The following BTBD7 variants were observed in gnomAD, a reference collection of about 807,000 sequenced individuals.
BTBD7 encodes BTB domain containing 7.
In BTBD7, 38 loss-of-function variants were observed where a neutral mutation model predicts 99.9. The observed-to-expected ratio is 0.38, with a 90% CI of 0.29 to 0.50. The LOEUF is 0.50. Among genes scored for constraint, BTBD7 ranks in the 20% least tolerant of loss-of-function variants. BTBD7 has a pLI of 0.93. For missense variants in BTBD7, 1,170 were observed against 1,394.6 expected, an observed-to-expected ratio of 0.84 and a Z score of 2.57; for synonymous variants, 520 against 511.4, an observed-to-expected ratio of 1.02 and a Z score of -0.23.
In BTBD7 at chr14:93,321,856, C is replaced by CTA. The variant is rs1486849061; in HGVS notation, c.-107+10963_-107+10964insTA. Reference sequence around the variant, plus strand: ...CATTTGGGATGATATCCAAGACTGACAATAGAAAGTGTGAGCTTTCCTCTT... The same window carrying CTA: ...CATTTGGGATGATATCCAAGACTGACTAAATAGAAAGTGTGAGCTTTCCTCTT... On this transcript the variant is annotated intron_variant, in intron 1 of 10. Transcript: ENST00000334746. 2.0e-4 allele frequency among the ~76,000 whole-genome samples: 30 copies of CTA among 151,920 alleles called. No individual in the cohort carries two copies. In the East Asian group the frequency reaches 5.6e-3, roughly 28 times the overall value.
chr14:93,321,554 T>C (rs892397901), intron 1 of BTBD7, among the ~76,000 whole-genome samples: 2 of 152,144 alleles, frequency 1.3e-5, no homozygotes, highest in Non-Finnish European at 2.9e-5. Flanking sequence ...GATCGCGCCA[T>C]GGCACTCCAG....
intron 3 of BTBD7, among the ~76,000 whole-genome samples, chr14:93,292,354 C>T (rs2052868443): frequency 6.6e-6 from 1 of 151,606 alleles, no homozygotes; most frequent in African/African-American, 2.4e-5. Context: ...CATTTTCTGA[C>T]AAATTTGGTT....
At position 93,332,995 on chromosome 14, in the gene BTBD7, C is replaced by A; in HGVS notation, c.-282G>T. ...CAGTGGCTCAGGCTCCGGGACTGCT[C>A]CAGGTTCCCCTCGCCGCCATTTTGA... On this transcript the variant is annotated 5_prime_UTR_variant, in exon 1 of 11. Transcript: ENST00000334746. 3.6e-6 allele frequency: 2 copies of A among 552,042 alleles called. No homozygotes were observed. Among genetic ancestry groups the A allele is most frequent in the Non-Finnish European group, 6.0e-6 (2 of 331,586 alleles). 34.2% of individuals were successfully genotyped at this position (552,042 alleles called of 1,614,324 possible). A position where few individuals can be genotyped will look rare whatever the true frequency, so the allele number is the denominator to read the frequency against.
At position 93,276,739 on chromosome 14, in the gene BTBD7, A is replaced by C. The variant is rs141771404; in HGVS notation, c.1163-12746T>G. ...ATATTCTTTATTCTTACAGCTTCTG[A>C]CAAGTTGTGTGAGAGACAAAAGCAA... On this transcript the variant is annotated intron_variant, in intron 3 of 10. Transcript: ENST00000334746. Among the ~76,000 whole-genome samples, 408 of 152,266 alleles carry C rather than the reference A, an allele frequency of 2.7e-3. 1 individual carries two copies. The highest frequency in any genetic ancestry group is 9.3e-3 in the African/African-American group (386 of 41,564).
intron 1 of BTBD7, among the ~76,000 whole-genome samples, chr14:93,302,815 G>A (rs1436307562): frequency 4.6e-5 from 7 of 151,968 alleles, no homozygotes; most frequent in Non-Finnish European, 8.8e-5. Flanking sequence ...ACTGTACTCC[G>A]CCCTGGGTGA....
chr14:93,283,037 T>A (rs563869086), intron 3 of BTBD7, among the ~76,000 whole-genome samples: 1 of 152,360 alleles, frequency 6.6e-6, no homozygotes, highest in East Asian at 1.9e-4. Context: ...AGGTTTTGCT[T>A]GCTGAGAAAG....
intron 1 of BTBD7, among the ~76,000 whole-genome samples, chr14:93,324,771 G>T (rs922450756): frequency 7.2e-5 from 11 of 152,220 alleles, no homozygotes; most frequent in Non-Finnish European, 1.3e-4. Context: ...GAAATGCCAT[G>T]ATTTGACTGG....
chr14:93,301,556 G>A (rs2053005355), intron 1 of BTBD7, among the ~76,000 whole-genome samples: 1 of 151,742 alleles, frequency 6.6e-6, no homozygotes, highest in Non-Finnish European at 1.5e-5. Context: ...CAGGTGTAGT[G>A]GTACGTGCCT....
chr14:93,300,704 T>TTGTGTGTG lies in BTBD7; in HGVS notation c.-106-4555_-106-4548dup, dbSNP rs57228905. Among the ~76,000 whole-genome samples, 149 of 87,086 alleles carry TTGTGTGTG rather than the reference T, an allele frequency of 1.7e-3. 2 individuals carry two copies. Among genetic ancestry groups the TTGTGTGTG allele is most frequent in the East Asian group, 3.7e-3 (10 of 2,670 alleles). The allele number at this position is 87,086 out of a possible 152,430, so 57.1% of individuals were successfully genotyped here. ...GCGTGTGCCATCATGCCCAGCTAATTTGTGTGTGTGTGTGTGTGTGTGTGT... is the reference window on the plus strand; with the variant it reads ...GCGTGTGCCATCATGCCCAGCTAATTTGTGTGTGTGTGTGTGTGTGTGTGTGTGTGTGT... On this transcript the variant is annotated intron_variant, in intron 1 of 10. Coordinates refer to ENST00000334746, the MANE Select transcript of BTBD7 (RefSeq NM_001002860.4).
intron 1 of BTBD7, among the ~76,000 whole-genome samples, chr14:93,318,944 C>T (rs1392370848): frequency 6.6e-6 from 1 of 152,100 alleles, no homozygotes; most frequent in Non-Finnish European, 1.5e-5. Flanking sequence ...AAGCTAGATG[C>T]GGGGGCTCAC....
chr14:93,328,739 G>A (rs2053362812), intron 1 of BTBD7, among the ~76,000 whole-genome samples: 1 of 151,392 alleles, frequency 6.6e-6, no homozygotes, highest in Non-Finnish European at 1.5e-5. Flanking sequence ...AACATAGTGA[G>A]ACCCCATCTC....
intron 3 of BTBD7, chr14:93,288,806 A>G: frequency 6.6e-7 from 1 of 1,512,366 alleles, no homozygotes; most frequent in East Asian, 2.3e-5. Flanking sequence ...GTAAGTGTAT[A>G]TACTTTTGAG....
intron 5 of BTBD7, among the ~76,000 whole-genome samples, chr14:93,258,137 T>C (rs1230774213): frequency 7.3e-5 from 11 of 149,688 alleles, no homozygotes; most frequent in Non-Finnish European, 1.5e-4. Flanking sequence ...TAAGATCTTA[T>C]TATTCATGAA....
intron 1 of BTBD7, among the ~76,000 whole-genome samples, chr14:93,299,240 C>T (rs1323096562): frequency 1.3e-5 from 2 of 152,206 alleles, no homozygotes; most frequent in African/African-American, 4.8e-5. Context: ...TCAAAATCCT[C>T]ACAATTAACT....
Position 93,280,382 on chromosome 14 carries a change from A to G in BTBD7, c.1162+13476T>C, listed in dbSNP as rs1248139155. On this transcript the variant is annotated intron_variant, in intron 3 of 10. Transcript: ENST00000334746. ...AAAGGAACACTGACAACGAAAACCT[A>G]ATATAAAAACCAAACAAACCACTTC... Among the ~76,000 whole-genome samples the G allele has an allele frequency of 2.0e-5, 3 of 152,250 alleles. No individual in the cohort carries two copies. In the East Asian group the frequency reaches 5.8e-4, roughly 29 times the overall value.
At chr14:93,278,725 CTGT>C (rs1470411613) in intron 3 of BTBD7, among the ~76,000 whole-genome samples, 2 of 152,214 alleles carry the variant, frequency 1.3e-5, no homozygotes, top group African/African-American at 2.4e-5. Context: ...ATGTGGTCTG[CTGT>C]TGACTGAAAC....
rs541275530 is a variant in BTBD7, at chr14:93,321,549, C to T, written c.-107+11271G>A. Among the ~76,000 whole-genome samples the T allele has an allele frequency of 1.2e-4, 18 of 152,234 alleles. No individual in the cohort carries two copies. The South Asian group carries it at 2.1e-3, about 18-fold the overall frequency. ...TGGAGGTTGCAGTGAGCTGAGATCG[C>T]GCCATGGCACTCCAGCCTGGGCTAC... On this transcript the variant is annotated intron_variant, in intron 1 of 10. Transcript: ENST00000334746.
At position 93,251,618 on chromosome 14, in the gene BTBD7, T is replaced by C. The variant is rs749403834; in HGVS notation, c.1787A>G (p.Asp596Gly). 3 of 1,613,126 alleles carry C rather than the reference T, an allele frequency of 1.9e-6. No homozygotes were observed. Among genetic ancestry groups the C allele is most frequent in the Admixed American group, 1.7e-5 (1 of 59,992 alleles). ...TCTAACCATTCGCAAGCGCACAAGA[T>C]CCGTTTGTTCCACCATCATCTCATC... is the stretch of plus-strand genomic sequence containing the variant. ...VLDEMMVEQT[D>G]LVRLRMVRMS... The change falls in exon 8 of 11, where the codon GAT (aspartate) becomes GGT (glycine). Residue 596 changes from aspartate to glycine, a missense_variant. By Grantham distance (94) the Asp-to-Gly change is moderately conservative. Transcript: ENST00000334746.
At chr14:93,327,805 A>G (rs979458582) in intron 1 of BTBD7, among the ~76,000 whole-genome samples, 1 of 152,210 alleles carries the variant, frequency 6.6e-6, no homozygotes, top group Non-Finnish European at 1.5e-5. Context: ...AATAAAAGGC[A>G]TCCAAATTCG....
Sources: gnomAD v4.1 joint callset for allele counts (sites outside exome capture counted in the v4.1 genomes callset) on GRCh38, gnomAD v4.1.1 for gene constraint, MANE v1.5 for transcripts, NCBI Gene and HGNC (gene_info 2026-07-23, HGNC 2026-07-21) for gene names.